The following CLIP2 variants were observed in gnomAD, a reference collection of about 807,000 sequenced individuals.
CLIP2 encodes the protein CAP-Gly domain-containing linker protein 2.
CLIP2 carries 41 observed loss-of-function variants against 111.7 expected under a neutral mutation model. The observed-to-expected ratio is 0.37, with a 90% CI of 0.29 to 0.48. The LOEUF is 0.48. Among genes scored for constraint, CLIP2 ranks in the 20% least tolerant of loss-of-function variants. The pLI is 0.99. For synonymous variants in CLIP2, 660 were observed against 644.2 expected (o/e 1.02, Z -0.37); for missense variants, 1,160 against 1,422.1 (o/e 0.82, Z 2.96).
chr7:74,356,598 G>C lies in CLIP2; in HGVS notation c.992G>C (p.Gly331Ala), dbSNP rs1478724195. ...GTCAGCTCTGTGGCCTCCTCCGTGG[G>C]GGGTCGGCCCAGCCGCAGTGGCCTG... ...SSVSSVASSV[G>A]GRPSRSGLLT... The change falls in exon 5 of 17, where the codon GGG (glycine) becomes GCG (alanine). Residue 331 changes from glycine (G) to alanine (A), a missense_variant. This residue lies in a region of CLIP2 where 110 missense variants were observed against 185.2 expected (regional missense o/e 0.59). Transcript: ENST00000223398. The C allele has an allele frequency of 1.9e-6, 3 of 1,613,940 alleles. No individual in the cohort carries two copies. Among genetic ancestry groups the C allele is most frequent in the Non-Finnish European group, 2.5e-6 (3 of 1,179,994 alleles).
chr7:74,377,161 C>G (rs782577567), intron 10 of CLIP2, among the ~76,000 whole-genome samples: 5 of 152,108 alleles, frequency 3.3e-5, no homozygotes, highest in Admixed American at 6.5e-5. Flanking sequence ...TCCTAGGACC[C>G]GGGACCTCAG....
At chr7:74,324,646 G>A (rs935033249) in intron 2 of CLIP2, among the ~76,000 whole-genome samples, 2 of 152,010 alleles carry the variant, frequency 1.3e-5, no homozygotes, top group Admixed American at 1.3e-4. Flanking sequence ...GCTTGGTGGT[G>A]TCCTCTCCCT....
intron 2 of CLIP2, among the ~76,000 whole-genome samples, chr7:74,323,483 A>G (rs1271448526): frequency 6.7e-6 from 1 of 148,648 alleles, no homozygotes; most frequent in Non-Finnish European, 1.5e-5. Context: ...GCTGTAGTGC[A>G]GTGGCATGAT....
At chr7:74,389,077 C>T (rs1554315318) in intron 12 of CLIP2, 26 bp from the exon 13 acceptor site, 5 of 1,585,750 alleles carry the variant, frequency 3.2e-6, no homozygotes, top group Admixed American at 1.8e-5. Flanking sequence ...AATCCTCTTC[C>T]TCCCTTCCCT....
At position 74,335,866 on chromosome 7, in the gene CLIP2, C is replaced by T. The variant is rs1425573766; in HGVS notation, c.122-2582C>T. Reference sequence around the variant, plus strand: ...CATGCCATTCTCCTGCCTCAGCCTCCTGAGTAGCTGCGACTACAGGCGCCC... The same window carrying T: ...CATGCCATTCTCCTGCCTCAGCCTCTTGAGTAGCTGCGACTACAGGCGCCC... On this transcript the variant is annotated intron_variant, in intron 2 of 16. Coordinates refer to ENST00000223398, the MANE Select transcript of CLIP2 (RefSeq NM_003388.5). 2.6e-5 allele frequency among the ~76,000 whole-genome samples: 4 copies of T among 151,810 alleles called. No individual in the cohort carries two copies. The Admixed American group carries it at 2.6e-4, about 10-fold the overall frequency.
At chr7:74,304,964 G>A (rs1564027426) in intron 1 of CLIP2, among the ~76,000 whole-genome samples, 1 of 151,846 alleles carries the variant, frequency 6.6e-6, no homozygotes, top group Admixed American at 6.6e-5. Context: ...ATAAATGAAT[G>A]AATGAATAAA....
In CLIP2 at chr7:74,314,170, ACT is replaced by A; in HGVS notation, c.-67-3307_-67-3306del. Among the ~76,000 whole-genome samples, 2 of 110,416 alleles carry A rather than the reference ACT, an allele frequency of 1.8e-5. 1 individual carries two copies. Among genetic ancestry groups the A allele is most frequent in the Middle Eastern group, 0.017 (2 of 118 alleles). 72.4% of individuals were successfully genotyped at this position (110,416 alleles called of 152,430 possible). ...GCACTCCAGCCTGGGTGTCAAAGTG[ACT>A]CTGTCTCAAAAAAAAAAAAAAAAAT... is the stretch of plus-strand genomic sequence containing the variant. On this transcript the variant is annotated intron_variant, in intron 1 of 16. Transcript: ENST00000223398.
chr7:74,390,609 A>C (rs1259076768), intron 13 of CLIP2, among the ~76,000 whole-genome samples: 3 of 152,068 alleles, frequency 2.0e-5, no homozygotes, highest in African/African-American at 7.2e-5. Flanking sequence ...TCGAGGCTGC[A>C]GTGAGCCAAG....
At chr7:74,305,865 A>ACCCCCCCCCCC (rs1788472143) in intron 1 of CLIP2, among the ~76,000 whole-genome samples, 15 of 75,036 alleles carry the variant, frequency 2.0e-4, no homozygotes, top group Non-Finnish European at 2.7e-4. Flanking sequence ...ACCCCCCCCC[A>ACCCCCCCCCCC]CCGCCCCTGC....
chr7:74,301,715 T>G (rs1788341587), intron 1 of CLIP2, among the ~76,000 whole-genome samples: 1 of 30,932 alleles, frequency 3.2e-5, no homozygotes, highest in African/African-American at 4.9e-5. Flanking sequence ...GTTTGTTTTG[T>G]TTTTTTTGTT....
At chr7:74,394,062 G>T (rs1554316296) in intron 13 of CLIP2, among the ~76,000 whole-genome samples, 1 of 151,998 alleles carries the variant, frequency 6.6e-6, no homozygotes, top group South Asian at 2.1e-4. Context: ...GAACTTCCTG[G>T]AGTTTTGGGT....
At chr7:74,308,599 G>A (rs1367445514) in intron 1 of CLIP2, among the ~76,000 whole-genome samples, 1 of 151,974 alleles carries the variant, frequency 6.6e-6, no homozygotes, top group African/African-American at 2.4e-5. Flanking sequence ...CCGCCTTCCG[G>A]GTTCAAGCGA....
chr7:74,376,498 G>A lies in CLIP2; in HGVS notation c.2097G>A (p.Leu699=), dbSNP rs782147973. 2 of 1,611,852 alleles carry A rather than the reference G, an allele frequency of 1.2e-6. No individual in the cohort carries two copies. The highest frequency in any genetic ancestry group is 2.2e-5 in the South Asian group (2 of 90,956). Residue 699 remains leucine, a synonymous_variant, in exon 10 of 17, where the codon CTG becomes CTA. Coordinates refer to ENST00000223398, the MANE Select transcript of CLIP2 (RefSeq NM_003388.5). This position sits in a 1 kb window ranked among gnomAD's most constrained non-coding sequence, Gnocchi z 7.1. ...LQEAQEELAG[L]QRHWRAQLEV... is the part of the protein sequence containing the mutation. ...AGGCCCAGGAGGAGCTGGCTGGGCT[G>A]CAGCGGCACTGGCGGGCCCAGCTGG...
chr7:74,403,927 G>T lies in CLIP2; in HGVS notation c.*79G>T. ...GCCCGGCAGTACCTCCTCCAGGCAGGAGCCGGGACTGTCACTTTGGAGACA... is the reference window on the plus strand; with the variant it reads ...GCCCGGCAGTACCTCCTCCAGGCAGTAGCCGGGACTGTCACTTTGGAGACA... On this transcript the variant is annotated 3_prime_UTR_variant, in exon 17 of 17. Transcript: ENST00000223398. 6.8e-7 allele frequency: 1 copy of T among 1,470,482 alleles called. No homozygotes were observed. The allele number at this position is 1,470,482 out of a possible 1,614,324, so 91.1% of individuals were successfully genotyped here. A position where few individuals can be genotyped will look rare whatever the true frequency, so the allele number is the denominator to read the frequency against.
In CLIP2 at chr7:74,331,363, G is replaced by C. The variant is rs560313622; in HGVS notation, c.122-7085G>C. Reference sequence around the variant, plus strand: ...TGGCGATTTGCAACCTGAGTGCATGGGTGGTTGCAGGGCCTCCTGAGATAT... The same window carrying C: ...TGGCGATTTGCAACCTGAGTGCATGCGTGGTTGCAGGGCCTCCTGAGATAT... On this transcript the variant is annotated intron_variant, in intron 2 of 16. Transcript: ENST00000223398. Among the ~76,000 whole-genome samples, 9 of 151,800 alleles carry C rather than the reference G, an allele frequency of 5.9e-5. No individual in the cohort carries two copies. In the South Asian group the frequency reaches 1.9e-3, roughly 32 times the overall value.
chr7:74,350,921 G>T (rs11975727), intron 3 of CLIP2, among the ~76,000 whole-genome samples: 83,045 of 136,974 alleles, frequency 0.61, 26,149 homozygotes, highest in Middle Eastern at 0.72. Context: ...AAAGGGAAGG[G>T]AAGGAAGGGA....
intron 2 of CLIP2, among the ~76,000 whole-genome samples, chr7:74,331,908 T>G (rs1789293184): frequency 6.6e-6 from 1 of 151,986 alleles, no homozygotes; most frequent in African/African-American, 2.4e-5. Flanking sequence ...CTGTGTCATT[T>G]GAATCATTTA....
chr7:74,347,704 G>A (rs1307794633), intron 3 of CLIP2, among the ~76,000 whole-genome samples: 2 of 152,166 alleles, frequency 1.3e-5, no homozygotes, highest in Non-Finnish European at 2.9e-5. Context: ...AATAAGAGAA[G>A]GTGATACAGG....
At chr7:74,390,165 G>GAAAGAAAGAA (rs1562726798) in intron 13 of CLIP2, among the ~76,000 whole-genome samples, 1 of 4,722 alleles carries the variant, frequency 2.1e-4, no homozygotes, top group Non-Finnish European at 5.4e-4. Context: ...AAAGAAAGAA[G>GAAAGAAAGAA]AAAGAAAGAA....
Sources: allele counts gnomAD v4.1 joint callset (sites outside exome capture counted in the v4.1 genomes callset), GRCh38; gene constraint gnomAD v4.1.1; regional missense constraint gnomAD v4.1.1; non-coding constraint Gnocchi (gnomAD v3.1); transcripts MANE v1.5; gene names NCBI Gene and HGNC (gene_info 2026-07-23, HGNC 2026-07-21).